STK10: variants seen among roughly 807,000 people sequenced by gnomAD.
STK10 encodes serine/threonine-protein kinase 10.
Under a neutral mutation model 113.8 loss-of-function variants are expected in STK10, and 78 were observed. The observed-to-expected ratio is 0.69, with a 90% CI of 0.57 to 0.83. The LOEUF (loss-of-function observed/expected upper bound fraction) is 0.83, where lower values mean the gene tolerates loss of function less well. Among genes scored for constraint, STK10 ranks in the 40% least tolerant of loss-of-function variants. STK10 has a pLI of 0.00. For missense variants in STK10, 1,109 were observed against 1,280.1 expected, an observed-to-expected ratio of 0.87 and a Z score of 2.04; for synonymous variants, 465 against 494.7, an observed-to-expected ratio of 0.94 and a Z score of 0.80.
At chr5:172,172,811 C>T (rs1770685209) in intron 1 of STK10, among the ~76,000 whole-genome samples, 1 of 152,088 alleles carries the variant, frequency 6.6e-6, no homozygotes, top group Non-Finnish European at 1.5e-5. Flanking sequence ...GAAACCCTGT[C>T]TCTACTAAAA....
chr5:172,045,067 C>T (rs1333724579), intron 18 of STK10, 45 bp from the exon 19 acceptor site: 1 of 1,604,582 alleles, frequency 6.2e-7, no homozygotes. Context: ...GATCTGCAGG[C>T]CACACGTGGG....
intron 9 of STK10, among the ~76,000 whole-genome samples, chr5:172,091,768 G>A (rs534239971): frequency 2.6e-5 from 4 of 152,210 alleles, no homozygotes; most frequent in East Asian, 1.9e-4. Context: ...TCCTGACCTC[G>A]TGATCCACCC....
In STK10 at chr5:172,152,719, C is replaced by T. The variant is rs190476383; in HGVS notation, c.321+3905G>A. ...GGAACAACTTGGGTGTGTGAATCTA[C>T]CTTTCTCAACTGTAAATTTTATGAC... On this transcript the variant is annotated intron_variant, in intron 2 of 18. Coordinates refer to ENST00000176763, the MANE Select transcript of STK10 (RefSeq NM_005990.4). Among the ~76,000 whole-genome samples, 11 of 152,262 alleles carry T rather than the reference C, an allele frequency of 7.2e-5. No homozygotes were observed. The East Asian group carries it at 1.7e-3, about 24-fold the overall frequency.
intron 18 of STK10, among the ~76,000 whole-genome samples, chr5:172,049,468 G>T (rs1432088747): frequency 6.6e-6 from 1 of 152,152 alleles, no homozygotes; most frequent in Non-Finnish European, 1.5e-5. Flanking sequence ...AGGGAACGAG[G>T]GAAGCGCATA....
In STK10 at chr5:172,187,987, T is replaced by C. The variant is rs889827075; in HGVS notation, c.56A>G (p.Lys19Arg). 5 of 1,613,418 alleles carry C rather than the reference T, an allele frequency of 3.1e-6. No homozygotes were observed. The African/African-American group carries it at 4.0e-5, about 13-fold the overall frequency. The change falls in exon 1 of 19, where the codon AAG (lysine) becomes AGG (arginine). Residue 19 changes from lysine to arginine, a missense_variant. This residue lies in a region of STK10 where 57 missense variants were observed against 53.6 expected (regional missense o/e 1.06). Coordinates refer to ENST00000176763, the MANE Select transcript of STK10 (RefSeq NM_005990.4). The surrounding 1 kb of genome is among the most constrained non-coding windows in gnomAD (Gnocchi z 4.6). ...GCGGACGTGCTCATATTCGCGGGAC[T>C]TTCTCTTCTCGAAGGTAGACAGGCG... ...ILRLSTFEKR[K>R]SREYEHVRRD... is the part of the protein sequence containing the mutation.
chr5:172,072,259 TTTTTC>T (rs988209254), intron 12 of STK10, among the ~76,000 whole-genome samples: 5 of 142,426 alleles, frequency 3.5e-5, no homozygotes, highest in Admixed American at 6.7e-5. Flanking sequence ...TAAAAAATTT[TTTTTC>T]TTTTCTTTTC....
intron 1 of STK10, among the ~76,000 whole-genome samples, chr5:172,163,521 A>C (rs1770508519): frequency 1.3e-5 from 2 of 152,296 alleles, no homozygotes; most frequent in South Asian, 4.1e-4. Flanking sequence ...ACAAACCGTT[A>C]AGGCCAGCGT....
At position 172,093,582 on chromosome 5, in the gene STK10, C is replaced by T; in HGVS notation, c.1384G>A (p.Gly462Arg). ...PNSSALETLG[G>R]EKLANGSLEP... ...AGGCTGCCATTGGCCAGCTTCTCCC[C>T]ACCCAAGGTCTCCAGGGCGCTGCTG... The change falls in exon 9 of 19, where the codon GGG becomes AGG. Residue 462 changes from glycine (G) to arginine (R), a missense_variant. Gly to Arg is a moderately radical substitution (Grantham distance 125, BLOSUM62 -2). Transcript: ENST00000176763. This position sits in a 1 kb window ranked among gnomAD's most constrained non-coding sequence, Gnocchi z 4.1. 6.2e-7 allele frequency: 1 copy of T among 1,614,258 alleles called. No individual in the cohort carries two copies. Among genetic ancestry groups the T allele is most frequent in the Non-Finnish European group, 8.5e-7 (1 of 1,180,046 alleles).
intron 18 of STK10, among the ~76,000 whole-genome samples, chr5:172,048,527 C>A (rs1318202051): frequency 1.3e-5 from 2 of 151,836 alleles, no homozygotes; most frequent in African/African-American, 4.8e-5. Context: ...AGATGGCTTG[C>A]CCAAGATCCC....
At chr5:172,060,029 G>T (rs1413078211) in intron 14 of STK10, among the ~76,000 whole-genome samples, 1 of 152,180 alleles carries the variant, frequency 6.6e-6, no homozygotes, top group African/African-American at 2.4e-5. Flanking sequence ...TGAGGTGAGG[G>T]TATTAGGAGA....
intron 14 of STK10, among the ~76,000 whole-genome samples, chr5:172,060,520 G>A (rs1767909442): frequency 1.3e-5 from 2 of 152,226 alleles, no homozygotes; most frequent in South Asian, 2.1e-4. Flanking sequence ...CAGTGAGAAG[G>A]TGCCATCTAT....
intron 7 of STK10, among the ~76,000 whole-genome samples, chr5:172,100,509 A>G (rs112048760): frequency 0.091 from 13,912 of 152,236 alleles, 2,127 homozygotes; most frequent in African/African-American, 0.32. Flanking sequence ...CAAAAAGGCC[A>G]GGCATGGTGG....
At chr5:172,073,774 C>CG (rs1322132270) in intron 12 of STK10, among the ~76,000 whole-genome samples, 42 of 140,970 alleles carry the variant, frequency 3.0e-4, no homozygotes, top group African/African-American at 1.2e-3. Flanking sequence ...TGGTGAAACC[C>CG]CATCTCTACT....
chr5:172,158,279 A>AC (rs774829755), intron 1 of STK10, among the ~76,000 whole-genome samples: 4 of 141,152 alleles, frequency 2.8e-5, no homozygotes, highest in South Asian at 2.1e-4. Flanking sequence ...ATAGGTATAT[A>AC]CCCAAAAAAA....
intron 1 of STK10, among the ~76,000 whole-genome samples, chr5:172,159,923 G>T (rs927040003): frequency 6.8e-6 from 1 of 147,220 alleles, no homozygotes; most frequent in Non-Finnish European, 1.5e-5. Flanking sequence ...GGATCACAAG[G>T]TCAGGAGTTT....
intron 1 of STK10, among the ~76,000 whole-genome samples, chr5:172,157,402 C>CA (rs1770372481): frequency 6.6e-6 from 1 of 151,948 alleles, no homozygotes; most frequent in African/African-American, 2.4e-5. Context: ...ACCAAAAATA[C>CA]AAAAATTAGC....
chr5:172,047,837 A>G (rs1767523911), intron 18 of STK10, among the ~76,000 whole-genome samples: 1 of 151,866 alleles, frequency 6.6e-6, no homozygotes, highest in South Asian at 2.1e-4. Flanking sequence ...CTTCTGACAT[A>G]ACCTTGCAGT....
chr5:172,107,148 G>T, intron 5 of STK10: 1 of 274,592 alleles, frequency 3.6e-6, no homozygotes. Flanking sequence ...GGGTGGGCGA[G>T]AAGACACCAG....
Position 172,044,975 on chromosome 5 carries a change from G to T in STK10, c.2814C>A (p.Phe938Leu), listed in dbSNP as rs184124886. ...LNQKKREQEM[F>L]FKLSEEAECP... is the part of the protein sequence containing the mutation. ...ACTCCGCCTCCTCGCTCAGCTTGAA[G>T]AACATCTCCTGCTCCCGCTTCTTCT... The change falls in exon 19 of 19, where the codon TTC becomes TTA. Residue 938 changes from phenylalanine (F) to leucine (L), a missense_variant. Phe to Leu is a conservative substitution (Grantham distance 22, BLOSUM62 0). This residue lies in a region of STK10 where 885 missense variants were observed against 991.1 expected (regional missense o/e 0.89). Transcript: ENST00000176763. The surrounding 1 kb of genome is among the most constrained non-coding windows in gnomAD (Gnocchi z 4.5). The T allele has an allele frequency of 6.2e-7, 1 of 1,614,212 alleles. No individual in the cohort carries two copies. The highest frequency in any genetic ancestry group is 2.2e-5 in the East Asian group (1 of 44,886).
Sources: gnomAD v4.1 joint callset for allele counts (sites outside exome capture counted in the v4.1 genomes callset) on GRCh38, gnomAD v4.1.1 for gene constraint, gnomAD v4.1.1 regional missense constraint, Gnocchi (gnomAD v3.1) non-coding constraint, MANE v1.5 for transcripts, NCBI Gene and HGNC (gene_info 2026-07-23, HGNC 2026-07-21) for gene names.